Variants in FNBP4 observed in about 807,000 individuals in gnomAD.
FNBP4 encodes the protein formin-binding protein 4.
FNBP4 carries 34 observed loss-of-function variants against 119.3 expected under a neutral mutation model. That is an observed-to-expected ratio of 0.28 (90% CI 0.22 to 0.38). The LOEUF is 0.38. Among genes scored for constraint, FNBP4 ranks in the 10% least tolerant of loss-of-function variants. FNBP4 has a pLI of 1.00. For synonymous variants in FNBP4, 462 were observed against 430.6 expected (o/e 1.07, Z -0.90); for missense variants, 1,112 against 1,228.9 (o/e 0.90, Z 1.42).
chr11:47,717,900 G>GGT (rs1477636492), intron 16 of FNBP4, among the ~76,000 whole-genome samples: 2 of 150,748 alleles, frequency 1.3e-5, no homozygotes, highest in Non-Finnish European at 3.0e-5. Flanking sequence ...TTACAGGCAT[G>GGT]TGCAACCATG....
intron 2 of FNBP4, among the ~76,000 whole-genome samples, chr11:47,761,942 G>A (rs572006072): frequency 1.1e-4 from 16 of 151,786 alleles, no homozygotes; most frequent in Admixed American, 5.3e-4. Context: ...GGGTTCAAGC[G>A]ATTTTCCTGC....
chr11:47,742,394 C>T (rs892858278), intron 8 of FNBP4, among the ~76,000 whole-genome samples: 6 of 127,884 alleles, frequency 4.7e-5, no homozygotes, highest in Admixed American at 9.3e-5. Context: ...CAGAGAATTG[C>T]TTGACCCCGG....
intron 2 of FNBP4, among the ~76,000 whole-genome samples, chr11:47,760,205 T>G (rs1343368035): frequency 6.6e-6 from 1 of 151,770 alleles, no homozygotes; most frequent in Non-Finnish European, 1.5e-5. Context: ...AAATGAAACT[T>G]ATTAAGCCTA....
chr11:47,718,352 T>C (rs1392423677), intron 16 of FNBP4, among the ~76,000 whole-genome samples: 1 of 152,114 alleles, frequency 6.6e-6, no homozygotes, highest in Non-Finnish European at 1.5e-5. Context: ...TGGCTTGGAC[T>C]ACAGGCGCCT....
At chr11:47,743,921 A>C (rs370949892) in intron 8 of FNBP4, 32 bp downstream of exon 8, 2 of 1,590,060 alleles carry the variant, frequency 1.3e-6, no homozygotes, top group African/African-American at 2.7e-5. Flanking sequence ...TATATCTTTC[A>C]ACTCTGAAGT....
intron 1 of FNBP4, among the ~76,000 whole-genome samples, chr11:47,765,900 C>A (rs1396623904): frequency 7.9e-6 from 1 of 126,204 alleles, no homozygotes; most frequent in Non-Finnish European, 1.6e-5. Flanking sequence ...GTCGCCCAGG[C>A]TGGTCAAACT....
chr11:47,722,025 A>C (rs2097556215), intron 15 of FNBP4, among the ~76,000 whole-genome samples: 1 of 8,270 alleles, frequency 1.2e-4, no homozygotes, highest in Non-Finnish European at 2.1e-4. Flanking sequence ...AAAAAAAAAA[A>C]AAAAAAAAAA....
chr11:47,766,318 AAAAAC>A (rs1246529658), intron 1 of FNBP4, among the ~76,000 whole-genome samples: 1 of 152,190 alleles, frequency 6.6e-6, no homozygotes, highest in East Asian at 1.9e-4. Flanking sequence ...TTGTCTCGAA[AAAAAC>A]AAAACAAAAC....
intron 2 of FNBP4, among the ~76,000 whole-genome samples, chr11:47,764,980 C>T (rs2097643741): frequency 6.6e-6 from 1 of 151,888 alleles, no homozygotes; most frequent in Non-Finnish European, 1.5e-5. Flanking sequence ...GTTGGCATGC[C>T]TAATGAACAC....
At chr11:47,725,027 G>A (rs556299465) in intron 12 of FNBP4, 67 of 354,792 alleles carry the variant, frequency 1.9e-4, no homozygotes, top group Admixed American at 1.2e-3. Flanking sequence ...TGACTTCCAC[G>A]GAAAGATAAA....
intron 9 of FNBP4, among the ~76,000 whole-genome samples, chr11:47,734,792 G>A (rs944257248): frequency 2.0e-5 from 3 of 151,952 alleles, no homozygotes; most frequent in South Asian, 4.1e-4. Flanking sequence ...CGCCAACATC[G>A]TGAAACCCCA....
chr11:47,746,335 T>C lies in FNBP4; in HGVS notation c.966A>G (p.Ala322=). 1 of 1,613,884 alleles carries C rather than the reference T, an allele frequency of 6.2e-7. No individual in the cohort carries two copies. The highest frequency in any genetic ancestry group is 8.5e-7 in the Non-Finnish European group (1 of 1,180,002). ...SNSEEEKKGV[A]ASLLAPLLPE... is the part of the protein sequence containing the mutation. ...GCAATAAAGGAGCAAGCAGCGATGC[T>C]GCCACCCCTTTCTTCTCCTCCTCAC... Residue 322 remains alanine (A), a synonymous_variant, in exon 7 of 17, where the codon GCA becomes GCG. Transcript: ENST00000263773.
chr11:47,762,578 G>A (rs1364685010), intron 2 of FNBP4, among the ~76,000 whole-genome samples: 1 of 152,020 alleles, frequency 6.6e-6, no homozygotes, highest in Non-Finnish European at 1.5e-5. Flanking sequence ...GCCCACAGGT[G>A]CTCATCAGCA....
chr11:47,750,541 A>T (rs1490698564), intron 6 of FNBP4, among the ~76,000 whole-genome samples: 1 of 150,530 alleles, frequency 6.6e-6, no homozygotes. Flanking sequence ...TACAAAAAAT[A>T]AGCCAGGTGT....
intron 8 of FNBP4, among the ~76,000 whole-genome samples, chr11:47,739,110 T>C (rs1039135472): frequency 1.6e-4 from 24 of 151,928 alleles, no homozygotes; most frequent in African/African-American, 5.5e-4. Flanking sequence ...TTTTTGTTTT[T>C]TAGTAGAGAC....
chr11:47,752,659 G>A (rs986154863), intron 4 of FNBP4: 9 of 317,420 alleles, frequency 2.8e-5, no homozygotes, highest in African/African-American at 6.3e-5. Flanking sequence ...AAATACAAAA[G>A]AGAAATTAGC....
At chr11:47,747,000 T>C (rs1281835627) in intron 6 of FNBP4, among the ~76,000 whole-genome samples, 3 of 152,136 alleles carry the variant, frequency 2.0e-5, no homozygotes, top group Non-Finnish European at 4.4e-5. Flanking sequence ...TGTCAGCTCA[T>C]AACATGACTG....
intron 4 of FNBP4, 102 bp from the exon 5 acceptor site, chr11:47,751,392 G>T: frequency 7.3e-7 from 1 of 1,374,712 alleles, no homozygotes; most frequent in Non-Finnish European, 1.0e-6. Context: ...AAACAGCACT[G>T]TTAACTTTTG....
chr11:47,732,817 T>A lies in FNBP4; in HGVS notation c.1687-147A>T. On this transcript the variant is annotated intron_variant, in intron 10 of 16. Coordinates refer to ENST00000263773, the MANE Select transcript of FNBP4 (RefSeq NM_015308.5). This position sits in a 1 kb window ranked among gnomAD's most constrained non-coding sequence, Gnocchi z 4.2. The stretch of plus-strand genomic sequence containing the variant: ...GAGAGGAAAATAAACCCCATCTTCA[T>A]CTCATAAAATAATCTTAAGGCCGGG... The A allele has an allele frequency of 1.3e-6, 1 of 753,630 alleles. No individual in the cohort carries two copies. The highest frequency in any genetic ancestry group is 2.1e-6 in the Non-Finnish European group (1 of 467,042). 46.7% of individuals were successfully genotyped at this position (753,630 alleles called of 1,614,324 possible). A position where few individuals can be genotyped will look rare whatever the true frequency, so the allele number is the denominator to read the frequency against.
Sources: gnomAD v4.1 joint callset for allele counts (sites outside exome capture counted in the v4.1 genomes callset) on GRCh38, gnomAD v4.1.1 for gene constraint, Gnocchi (gnomAD v3.1) non-coding constraint, MANE v1.5 for transcripts, NCBI Gene and HGNC (gene_info 2026-07-23, HGNC 2026-07-21) for gene names.